The following STRIP2 variants were observed in gnomAD, a reference collection of about 807,000 sequenced individuals.
The protein encoded by STRIP2 is striatin interacting protein 2, also known as striatin-interacting protein 2.
STRIP2 carries 84 observed loss-of-function variants against 107.1 expected under a neutral mutation model. The ratio of observed to expected loss-of-function variants is 0.78; its 90% confidence interval spans 0.66 to 0.94. The LOEUF (loss-of-function observed/expected upper bound fraction) is 0.94. Ranked by LOEUF, STRIP2 falls within the 40% of genes least tolerant of loss-of-function variation. The pLI is 0.00. For synonymous variants in STRIP2, 394 were observed against 400.4 expected, an observed-to-expected ratio of 0.98 and a Z score of 0.19; for missense variants, 888 against 1,034.2, an observed-to-expected ratio of 0.86 and a Z score of 1.94.
chr7:129,463,121 C>A, intron 14 of STRIP2, 81 bp downstream of exon 14: 1 of 1,152,504 alleles, frequency 8.7e-7, no homozygotes, highest in Non-Finnish European at 1.3e-6. Context: ...TGGACCTGTC[C>A]AACACTTGAG....
rs949403794 is a variant in STRIP2 at position 129,441,260 on chromosome 7, A to G, written c.199+1169A>G. 2.0e-5 allele frequency among the ~76,000 whole-genome samples: 3 copies of G among 152,294 alleles called. No individual in the cohort carries two copies. In the East Asian group the frequency reaches 5.8e-4, roughly 29 times the overall value. ...TGCAGAGAAATTAGTACTTTTATGC[A>G]CTGCTAGACATGGGGGGAGCAGAGT... On this transcript the variant is annotated intron_variant, in intron 2 of 20. Transcript: ENST00000249344.
chr7:129,451,271 C>G (rs17628726), intron 3 of STRIP2, among the ~76,000 whole-genome samples: 33,566 of 151,898 alleles, frequency 0.22, 4,220 homozygotes, highest in Non-Finnish European at 0.28. Context: ...GCATGTAAGA[C>G]TGGGAAAGAG....
chr7:129,447,807 G>A (rs1365154934), intron 3 of STRIP2, among the ~76,000 whole-genome samples: 1 of 152,190 alleles, frequency 6.6e-6, no homozygotes, highest in African/African-American at 2.4e-5. Context: ...AGCTGCAATT[G>A]GAGTCACCAC....
chr7:129,449,766 C>T (rs982742845), intron 3 of STRIP2, among the ~76,000 whole-genome samples: 11 of 152,192 alleles, frequency 7.2e-5, no homozygotes, highest in African/African-American at 2.7e-4. Flanking sequence ...ATGACAAAAG[C>T]TTGTGTCTGT....
chr7:129,438,066 A>G (rs1355823783), intron 1 of STRIP2, among the ~76,000 whole-genome samples: 1 of 152,170 alleles, frequency 6.6e-6, no homozygotes, highest in African/African-American at 2.4e-5. Flanking sequence ...CGGCCTCCCA[A>G]AGTGTTGGGA....
intron 7 of STRIP2, among the ~76,000 whole-genome samples, 171 bp from the exon 8 acceptor site, chr7:129,455,073 C>G (rs1798305677): frequency 6.6e-6 from 1 of 152,222 alleles, no homozygotes; most frequent in African/African-American, 2.4e-5. Context: ...TCCCTTCCTG[C>G]CCTTGAGGGG....
At position 129,474,010 on chromosome 7, in the gene STRIP2, C is replaced by T. The variant is rs1283043425; in HGVS notation, c.1944+3295C>T. 7.2e-5 allele frequency among the ~76,000 whole-genome samples: 11 copies of T among 152,216 alleles called. No homozygotes were observed. The East Asian group carries it at 2.1e-3, about 29-fold the overall frequency. On this transcript the variant is annotated intron_variant, in intron 18 of 20. Coordinates refer to ENST00000249344, the MANE Select transcript of STRIP2 (RefSeq NM_020704.3). ...GGGATTACAGGCGTGAGCCACTGCA[C>T]GCAGCCCAGGACATAATTTTTAATA...
intron 5 of STRIP2, 131 bp from the exon 6 acceptor site, chr7:129,454,011 T>A: frequency 2.6e-6 from 2 of 770,002 alleles, no homozygotes; most frequent in Non-Finnish European, 2.1e-6. Context: ...GCTCCTTTAC[T>A]CTAGACCAGT....
chr7:129,445,171 G>A (rs1248537860), intron 3 of STRIP2, among the ~76,000 whole-genome samples: 1 of 152,108 alleles, frequency 6.6e-6, no homozygotes, highest in Non-Finnish European at 1.5e-5. Flanking sequence ...CTTAATCACA[G>A]GGCATAGTAA....
chr7:129,447,025 C>G (rs1237288674), intron 3 of STRIP2, among the ~76,000 whole-genome samples: 5 of 152,222 alleles, frequency 3.3e-5, no homozygotes, highest in Admixed American at 3.3e-4. Flanking sequence ...GCTCCAAAAT[C>G]CTAAAGGCCT....
intron 16 of STRIP2, among the ~76,000 whole-genome samples, chr7:129,465,909 G>A (rs1407370410): frequency 1.3e-5 from 2 of 152,216 alleles, no homozygotes; most frequent in Admixed American, 1.3e-4. Flanking sequence ...GGTCCTCAGA[G>A]TACAGAGAGG....
intron 1 of STRIP2, among the ~76,000 whole-genome samples, chr7:129,435,584 G>T (rs1018617652): frequency 6.6e-6 from 1 of 152,182 alleles, no homozygotes; most frequent in Admixed American, 6.5e-5. Flanking sequence ...TTTACTACCT[G>T]TGTGATTTTC....
At chr7:129,453,429 T>A in intron 5 of STRIP2, 82 bp downstream of exon 5, 1 of 1,551,138 alleles carries the variant, frequency 6.4e-7, no homozygotes, top group Non-Finnish European at 8.8e-7. Context: ...CTTCCCTCAC[T>A]ATAGAGACCC....
In STRIP2 at chr7:129,459,411, G is replaced by T. The variant is rs1269224760; in HGVS notation, c.1341-106G>T. Reference sequence around the variant, plus strand: ...AGGAAGGTCTAGGGTACTGGGGGTAGATGTTGTTGAAAGTAGCATGGTCTG... The same window carrying T: ...AGGAAGGTCTAGGGTACTGGGGGTATATGTTGTTGAAAGTAGCATGGTCTG... On this transcript the variant is annotated intron_variant, in intron 11 of 20. Coordinates refer to ENST00000249344, the MANE Select transcript of STRIP2 (RefSeq NM_020704.3). 5.4e-6 allele frequency: 5 copies of T among 931,786 alleles called. No individual in the cohort carries two copies. In the African/African-American group the frequency reaches 6.5e-5, roughly 12 times the overall value. 57.7% of individuals were successfully genotyped at this position (931,786 alleles called of 1,614,324 possible).
At position 129,483,280 on chromosome 7, in the gene STRIP2, GA is replaced by G; in HGVS notation, c.2254+235del. On this transcript the variant is annotated intron_variant, in intron 20 of 20. Coordinates refer to ENST00000249344, the MANE Select transcript of STRIP2 (RefSeq NM_020704.3). This position sits in a 1 kb window ranked among gnomAD's most constrained non-coding sequence, Gnocchi z 5.1. The stretch of plus-strand genomic sequence containing the variant: ...CCGTTTTATAAAACAAGTAAATTGA[GA>G]GATAATTAATTGCCTTTCCAAAACA... The G allele has an allele frequency of 8.1e-7, 1 of 1,239,450 alleles. No individual in the cohort carries two copies. Among genetic ancestry groups the G allele is most frequent in the Non-Finnish European group, 1.0e-6 (1 of 989,596 alleles). The allele number at this position is 1,239,450 out of a possible 1,614,324, so 76.8% of individuals were successfully genotyped here.
In STRIP2 at chr7:129,444,097, A is replaced by G. The variant is rs996222052; in HGVS notation, c.273A>G (p.Gln91=). Residue 91 remains glutamine (Q), a splice_region_variant and synonymous_variant, in exon 3 of 21, where the codon CAA becomes CAG. Coordinates refer to ENST00000249344, the MANE Select transcript of STRIP2 (RefSeq NM_020704.3). ...RRCFEEDFKT[Q]VQGKEWLELE... The stretch of plus-strand genomic sequence containing the variant: ...GCTTTGAAGAAGATTTCAAGACTCA[A>G]GGTAATTCCAGATCTTTACTCATAG... The G allele has an allele frequency of 2.2e-5, 35 of 1,610,072 alleles. No individual in the cohort carries two copies. The highest frequency in any genetic ancestry group is 2.9e-5 in the Non-Finnish European group (34 of 1,176,494).
chr7:129,473,254 CATAT>C (rs1466386385), intron 18 of STRIP2, among the ~76,000 whole-genome samples: 1 of 152,146 alleles, frequency 6.6e-6, no homozygotes, highest in African/African-American at 2.4e-5. Flanking sequence ...TATATTCACT[CATAT>C]ATAAACACAT....
chr7:129,446,554 C>T (rs1798040449), intron 3 of STRIP2, among the ~76,000 whole-genome samples: 2 of 152,170 alleles, frequency 1.3e-5, no homozygotes, highest in Non-Finnish European at 2.9e-5. Flanking sequence ...CAGGGATGTC[C>T]TAGAAAGGGG....
chr7:129,434,633 C>T (rs1338227068), intron 1 of STRIP2, 32 bp downstream of exon 1: 3 of 1,441,836 alleles, frequency 2.1e-6, no homozygotes, highest in South Asian at 1.3e-5. Context: ...GGCTGGGGCC[C>T]GGAGACGCCC....
Sources: allele counts gnomAD v4.1 joint callset (sites outside exome capture counted in the v4.1 genomes callset), GRCh38; gene constraint gnomAD v4.1.1; non-coding constraint Gnocchi (gnomAD v3.1); transcripts MANE v1.5; gene names NCBI Gene and HGNC (gene_info 2026-07-23, HGNC 2026-07-21).